The following SCMH1 variants were observed in gnomAD, a reference collection of about 807,000 sequenced individuals.
SCMH1 encodes the protein polycomb protein SCMH1.
Under a neutral mutation model 70.8 loss-of-function variants are expected in SCMH1, and 37 were observed. The observed-to-expected ratio is 0.52, with a 90% CI of 0.40 to 0.69. SCMH1 has a LOEUF of 0.69. Ranked by LOEUF, SCMH1 falls within the 30% of genes least tolerant of loss-of-function variation. The probability of loss-of-function intolerance (pLI) is 0.00; values close to 1 mark genes in which losing one functional copy is unlikely to be tolerated. For missense variants in SCMH1, 607 were observed against 827.3 expected, an observed-to-expected ratio of 0.73 and a Z score of 3.27; for synonymous variants, 292 against 307.4, an observed-to-expected ratio of 0.95 and a Z score of 0.52.
chr1:41,074,866 C>G (rs1005561529), intron 9 of SCMH1, among the ~76,000 whole-genome samples: 3 of 152,112 alleles, frequency 2.0e-5, no homozygotes, highest in Non-Finnish European at 4.4e-5. Flanking sequence ...CGCCCCCAAC[C>G]CTGCCTTTTC....
At chr1:41,144,724 A>T (rs918442380) in intron 5 of SCMH1, among the ~76,000 whole-genome samples, 11 of 152,162 alleles carry the variant, frequency 7.2e-5, no homozygotes, top group Non-Finnish European at 1.3e-4. Context: ...CCACCAATGT[A>T]CAAGGGTTCC....
chr1:41,090,217 A>T (rs1296513160), intron 8 of SCMH1, among the ~76,000 whole-genome samples: 1 of 152,214 alleles, frequency 6.6e-6, no homozygotes, highest in Non-Finnish European at 1.5e-5. Context: ...ATCATATTAG[A>T]AATTAAAACT....
chr1:41,074,380 T>C (rs1000735856), intron 9 of SCMH1, among the ~76,000 whole-genome samples: 7 of 152,314 alleles, frequency 4.6e-5, no homozygotes, highest in African/African-American at 1.4e-4. Context: ...CTCAATTTAC[T>C]ATAAAATAAC....
intron 8 of SCMH1, among the ~76,000 whole-genome samples, chr1:41,103,505 C>T (rs781411122): frequency 6.6e-6 from 1 of 152,098 alleles, no homozygotes; most frequent in African/African-American, 2.4e-5. Flanking sequence ...CTGAAAATCA[C>T]CAACACTTAT....
chr1:41,151,397 G>C (rs1645063410), intron 5 of SCMH1, among the ~76,000 whole-genome samples: 1 of 152,216 alleles, frequency 6.6e-6, no homozygotes, highest in Admixed American at 6.5e-5. Flanking sequence ...TAAAGAAGGA[G>C]GCAAGGGTGT....
At chr1:41,086,541 C>A in intron 8 of SCMH1, among the ~76,000 whole-genome samples, 1 of 150,124 alleles carries the variant, frequency 6.7e-6, no homozygotes, top group Non-Finnish European at 1.5e-5. Context: ...ACAAAGAAAC[C>A]TTTCCCCACT....
chr1:41,182,314 C>T (rs565509030), intron 2 of SCMH1, among the ~76,000 whole-genome samples: 28 of 152,230 alleles, frequency 1.8e-4, no homozygotes, highest in African/African-American at 6.3e-4. Context: ...CTAACCTGCA[C>T]GTTGTGCACA....
At chr1:41,186,940 G>T (rs1358621356) in intron 1 of SCMH1, among the ~76,000 whole-genome samples, 1 of 152,084 alleles carries the variant, frequency 6.6e-6, no homozygotes, top group Non-Finnish European at 1.5e-5. Context: ...ATTCTGTTAT[G>T]GCACCCCAAG....
intron 1 of SCMH1, 39 bp from the exon 2 acceptor site, chr1:41,186,289 T>G: frequency 1.7e-6 from 1 of 574,074 alleles, no homozygotes; most frequent in Admixed American, 2.5e-5. Flanking sequence ...AGAAGAACAT[T>G]TATTACCTGT....
intron 1 of SCMH1, among the ~76,000 whole-genome samples, chr1:41,224,506 C>T (rs550210829): frequency 6.6e-6 from 1 of 151,974 alleles, no homozygotes; most frequent in Admixed American, 6.6e-5. Context: ...ACTATTAAAC[C>T]CTAATTCAGG....
intron 4 of SCMH1, among the ~76,000 whole-genome samples, chr1:41,152,235 G>GCT (rs1334305417): frequency 1.3e-5 from 2 of 152,090 alleles, no homozygotes; most frequent in Non-Finnish European, 2.9e-5. Flanking sequence ...CTAAAAACTG[G>GCT]CTCTCTCTCA....
At chr1:41,134,094 T>A (rs1642858905) in intron 6 of SCMH1, among the ~76,000 whole-genome samples, 1 of 152,114 alleles carries the variant, frequency 6.6e-6, no homozygotes, top group African/African-American at 2.4e-5. Context: ...AACAATCAAG[T>A]CGGCTTCATC....
intron 6 of SCMH1, among the ~76,000 whole-genome samples, chr1:41,124,996 C>G (rs1672827903): frequency 5.3e-5 from 8 of 152,170 alleles, no homozygotes; most frequent in Admixed American, 5.2e-4. Flanking sequence ...TGTCTAATTA[C>G]TGAAGATACA....
At chr1:41,162,629 A>G (rs1396845373) in intron 2 of SCMH1, 1 of 152,310 alleles carries the variant, frequency 6.6e-6, no homozygotes. Flanking sequence ...AGCTGCAGAG[A>G]TGACGTGACA....
intron 6 of SCMH1, among the ~76,000 whole-genome samples, chr1:41,120,381 T>C (rs955496616): frequency 3.9e-5 from 6 of 152,210 alleles, no homozygotes; most frequent in Non-Finnish European, 7.3e-5. Context: ...GCAGGCACTA[T>C]TATTATCCCT....
In SCMH1 at chr1:41,076,762, G is replaced by C. The variant is rs373665628; in HGVS notation, c.746-1311C>G. 3.7e-4 allele frequency among the ~76,000 whole-genome samples: 56 copies of C among 152,304 alleles called. 1 individual carries two copies. The East Asian group carries it at 7.9e-3, about 22-fold the overall frequency. On this transcript the variant is annotated intron_variant, in intron 8 of 14. Coordinates refer to ENST00000337495, the Ensembl canonical transcript of SCMH1. ...ACATGTTAGTGTGTTTGAGAAATTGGAAAGGAGGTCAGTAGAGCTGTAACT... is the reference window on the plus strand; with the variant it reads ...ACATGTTAGTGTGTTTGAGAAATTGCAAAGGAGGTCAGTAGAGCTGTAACT...
intron 8 of SCMH1, among the ~76,000 whole-genome samples, chr1:41,076,975 G>T (rs1490039570): frequency 6.6e-6 from 1 of 152,178 alleles, no homozygotes. Flanking sequence ...TTGTGAGAGG[G>T]ACGAGAGTAG....
intron 9 of SCMH1, among the ~76,000 whole-genome samples, chr1:41,072,223 C>G (rs146767032): frequency 0.011 from 1,688 of 152,182 alleles, 15 homozygotes; most frequent in Non-Finnish European, 0.017. Context: ...TTTTTTACTG[C>G]TAAAAGTGAA....
intron 8 of SCMH1, among the ~76,000 whole-genome samples, chr1:41,089,485 T>C (rs191244084): frequency 1.1e-4 from 17 of 152,352 alleles, no homozygotes; most frequent in Non-Finnish European, 2.1e-4. Context: ...GTCCCCTTCA[T>C]ACTTCTTTGG....
Sources: allele counts gnomAD v4.1 joint callset (sites outside exome capture counted in the v4.1 genomes callset), GRCh38; gene constraint gnomAD v4.1.1; transcripts MANE v1.5; gene names NCBI Gene and HGNC (gene_info 2026-07-23, HGNC 2026-07-21).